Variants in PALLD observed in about 807,000 individuals in gnomAD.
The protein encoded by PALLD is palladin, cytoskeletal associated protein.
Under a neutral mutation model 123.5 loss-of-function variants are expected in PALLD, and 61 were observed. That is an observed-to-expected ratio of 0.49 (90% CI 0.40 to 0.61). The LOEUF is 0.61. Ranked by LOEUF, PALLD falls within the 20% of genes least tolerant of loss-of-function variation. PALLD has a pLI of 0.00. For synonymous variants in PALLD, 465 were observed against 496.4 expected, an observed-to-expected ratio of 0.94 and a Z score of 0.84; for missense variants, 1,273 against 1,377.0, an observed-to-expected ratio of 0.92 and a Z score of 1.20.
chr4:168,839,074 T>A (rs1426978025), intron 10 of PALLD, among the ~76,000 whole-genome samples: 1 of 152,086 alleles, frequency 6.6e-6, no homozygotes, highest in Non-Finnish European at 1.5e-5. Context: ...CACCTCAGTC[T>A]CCCAAATAGC....
intron 2 of PALLD, among the ~76,000 whole-genome samples, chr4:168,624,160 T>A (rs1006852085): frequency 6.7e-6 from 1 of 149,160 alleles, no homozygotes; most frequent in African/African-American, 2.5e-5. Flanking sequence ...ATCTCAGTTA[T>A]CAATATCGAT....
chr4:168,811,774 T>TCACACACACACACA (rs879411684), intron 10 of PALLD, among the ~76,000 whole-genome samples: 3 of 109,510 alleles, frequency 2.7e-5, no homozygotes, highest in African/African-American at 9.3e-5. Flanking sequence ...TCTCTCTCTC[T>TCACACACACACACA]CTCACACACA....
At chr4:168,615,254 A>G (rs1774113977) in intron 2 of PALLD, among the ~76,000 whole-genome samples, 1 of 152,196 alleles carries the variant, frequency 6.6e-6, no homozygotes, top group African/African-American at 2.4e-5. Context: ...AGTTTCACAC[A>G]CTTTCTGTCC....
chr4:168,584,030 T>A (rs1770559353), intron 2 of PALLD, among the ~76,000 whole-genome samples: 2 of 152,170 alleles, frequency 1.3e-5, no homozygotes, highest in Admixed American at 1.3e-4. Context: ...TGGGTGCATA[T>A]GAAGCTAATG....
At chr4:168,913,875 A>C in intron 15 of PALLD, 52 bp from the exon 16 acceptor site, 1 of 1,151,546 alleles carries the variant, frequency 8.7e-7, no homozygotes, top group South Asian at 1.2e-5. Context: ...GATAGTGCTT[A>C]GTGGTTAATA....
At chr4:168,589,186 G>A (rs1322739366) in intron 2 of PALLD, among the ~76,000 whole-genome samples, 3 of 152,206 alleles carry the variant, frequency 2.0e-5, no homozygotes, top group Non-Finnish European at 4.4e-5. Flanking sequence ...GTAATGTATG[G>A]TAAATTATGC....
intron 15 of PALLD, among the ~76,000 whole-genome samples, chr4:168,912,085 A>G (rs1179867114): frequency 1.3e-5 from 2 of 152,012 alleles, no homozygotes; most frequent in Non-Finnish European, 2.9e-5. Context: ...GAATCTTGCT[A>G]TGGGATTTTT....
chr4:168,528,282 A>G (rs1365775335), intron 2 of PALLD, among the ~76,000 whole-genome samples: 2 of 152,230 alleles, frequency 1.3e-5, no homozygotes, highest in Non-Finnish European at 2.9e-5. Context: ...CACAGCTTCA[A>G]AATTACTTTT....
At chr4:168,816,817 CGTGTGTGTGTGTGTGTGTGTGT>C (rs61010592) in intron 10 of PALLD, among the ~76,000 whole-genome samples, 32 of 111,026 alleles carry the variant, frequency 2.9e-4, no homozygotes, top group East Asian at 2.4e-3. Context: ...GAGCTAGCCC[CGTGTGTGTGTGTGTGTGTGTGT>C]GTGTGTGTGT....
Position 168,823,320 on chromosome 4 carries a change from C to T in PALLD, c.1965-67602C>T, listed in dbSNP as rs79133728. Among the ~76,000 whole-genome samples, 1,508 of 152,302 alleles carry T rather than the reference C, an allele frequency of 9.9e-3. 27 individuals are homozygous for T. The highest frequency in any genetic ancestry group is 0.034 in the African/African-American group (1,406 of 41,546). On this transcript the variant is annotated intron_variant, in intron 10 of 21. Coordinates refer to ENST00000505667, the MANE Select transcript of PALLD (RefSeq NM_001166108.2). ...TTTACTGTCACTGTAACAGAGAACA[C>T]TGCTAGGCCCATTTCTTCTATTTTT...
intron 2 of PALLD, among the ~76,000 whole-genome samples, chr4:168,624,993 TATTTAA>T (rs1394650045): frequency 6.6e-6 from 1 of 152,118 alleles, no homozygotes; most frequent in African/African-American, 2.4e-5. Flanking sequence ...CTATGTTAAT[TATTTAA>T]ATTTAATTCT....
At chr4:168,781,586 T>C (rs776247207) in intron 10 of PALLD, among the ~76,000 whole-genome samples, 12 of 151,924 alleles carry the variant, frequency 7.9e-5, no homozygotes, top group Non-Finnish European at 1.6e-4. Flanking sequence ...TTGAGGGAGG[T>C]GAACAGGCTG....
intron 2 of PALLD, among the ~76,000 whole-genome samples, chr4:168,535,616 G>T (rs1204641080): frequency 6.6e-6 from 1 of 152,206 alleles, no homozygotes; most frequent in Non-Finnish European, 1.5e-5. Flanking sequence ...GTTATCACAT[G>T]GTGGGTATCA....
chr4:168,785,445 A>G (rs1179523703), intron 10 of PALLD, among the ~76,000 whole-genome samples: 2 of 152,084 alleles, frequency 1.3e-5, no homozygotes, highest in Non-Finnish European at 2.9e-5. Context: ...GTGGAAATTC[A>G]TTTTTCATGC....
intron 1 of PALLD, among the ~76,000 whole-genome samples, chr4:168,501,467 G>A (rs535486725): frequency 2.6e-4 from 40 of 152,264 alleles, no homozygotes; most frequent in East Asian, 1.9e-4. Flanking sequence ...ATAGGTCACC[G>A]TGGACATTTA....
At chr4:168,920,249 C>G (rs892686394) in intron 17 of PALLD, among the ~76,000 whole-genome samples, 4 of 152,184 alleles carry the variant, frequency 2.6e-5, no homozygotes, top group African/African-American at 4.8e-5. Flanking sequence ...AGAAGCCAAG[C>G]TGCCTAACTA....
chr4:168,521,745 A>G (rs912309131), intron 2 of PALLD, among the ~76,000 whole-genome samples: 1 of 152,240 alleles, frequency 6.6e-6, no homozygotes, highest in South Asian at 2.1e-4. Context: ...TATCAGAAAT[A>G]CAATACATCT....
chr4:168,688,816 G>A (rs1423981404), intron 6 of PALLD, among the ~76,000 whole-genome samples: 1 of 152,034 alleles, frequency 6.6e-6, no homozygotes, highest in African/African-American at 2.4e-5. Flanking sequence ...ATAAATCAAA[G>A]TCTCTTTTGG....
chr4:168,700,965 G>A (rs560099162), intron 8 of PALLD: 1 of 152,166 alleles, frequency 6.6e-6, no homozygotes, highest in African/African-American at 2.4e-5. Context: ...TAGAGGCCTG[G>A]GCAACAGAGC....
Sources: allele counts gnomAD v4.1 joint callset (sites outside exome capture counted in the v4.1 genomes callset), GRCh38; gene constraint gnomAD v4.1.1; transcripts MANE v1.5; gene names NCBI Gene and HGNC (gene_info 2026-07-23, HGNC 2026-07-21).